Variants in GRIA4 observed in about 807,000 individuals in gnomAD.
The protein encoded by GRIA4 is glutamate receptor 4.
In GRIA4, 34 loss-of-function variants were observed where a neutral mutation model predicts 104.0. The ratio of observed to expected loss-of-function variants is 0.33; its 90% CI spans 0.25 to 0.44. The LOEUF (loss-of-function observed/expected upper bound fraction) is 0.44. Ranked by LOEUF, GRIA4 falls within the 20% of genes least tolerant of loss-of-function variation. The pLI is 1.00. For synonymous variants in GRIA4, 386 were observed against 381.9 expected (o/e 1.01, Z -0.13); for missense variants, 750 against 1,096.5 (o/e 0.68, Z 4.46).
intron 6 of GRIA4, among the ~76,000 whole-genome samples, chr11:105,898,028 T>C (rs1401984999): frequency 4.6e-5 from 7 of 152,168 alleles, no homozygotes; most frequent in African/African-American, 1.7e-4. Flanking sequence ...CAAGAAATAC[T>C]TGATTTGAAC....
intron 4 of GRIA4, chr11:105,797,723 T>C (rs1353866471): frequency 4.9e-6 from 2 of 408,700 alleles, no homozygotes; most frequent in Non-Finnish European, 9.9e-6. Flanking sequence ...TTCTCTTTTG[T>C]AGGACTTGTA....
intron 14 of GRIA4, among the ~76,000 whole-genome samples, chr11:105,936,247 C>T (rs1168721296): frequency 1.3e-5 from 2 of 152,182 alleles, no homozygotes; most frequent in Non-Finnish European, 2.9e-5. Context: ...TAATAGTCAC[C>T]TTCTGTATAA....
intron 3 of GRIA4, among the ~76,000 whole-genome samples, chr11:105,657,173 A>C (rs1951869691): frequency 6.6e-6 from 1 of 152,046 alleles, no homozygotes. Flanking sequence ...AGTTAACTCC[A>C]AATGAACAAG....
intron 3 of GRIA4, among the ~76,000 whole-genome samples, chr11:105,705,145 C>T (rs1409548405): frequency 6.6e-6 from 1 of 152,028 alleles, no homozygotes; most frequent in Non-Finnish European, 1.5e-5. Context: ...ACAGGTAACA[C>T]ATTTGGGGCA....
chr11:105,737,107 A>G (rs1238602815), intron 3 of GRIA4, among the ~76,000 whole-genome samples: 2 of 152,150 alleles, frequency 1.3e-5, no homozygotes, highest in Non-Finnish European at 2.9e-5. Context: ...ATCAGAATTT[A>G]TTTAACTTTG....
chr11:105,732,409 G>T (rs965707713), intron 3 of GRIA4, among the ~76,000 whole-genome samples: 1 of 152,108 alleles, frequency 6.6e-6, no homozygotes, highest in Non-Finnish European at 1.5e-5. Context: ...ATTAGCAGCC[G>T]TGTGTTTCTG....
At chr11:105,899,275 C>T (rs1946771289) in intron 7 of GRIA4, among the ~76,000 whole-genome samples, 2 of 152,166 alleles carry the variant, frequency 1.3e-5, no homozygotes, top group South Asian at 4.1e-4. Flanking sequence ...TCTTCACTGC[C>T]TTATAAAATC....
At chr11:105,616,933 T>C (rs1029023502) in intron 3 of GRIA4, among the ~76,000 whole-genome samples, 3 of 151,584 alleles carry the variant, frequency 2.0e-5, no homozygotes, top group Non-Finnish European at 4.4e-5. Context: ...CATATTCTTA[T>C]AGTTTTTCTC....
chr11:105,669,411 G>A (rs2135433032), intron 3 of GRIA4, among the ~76,000 whole-genome samples: 1 of 151,580 alleles, frequency 6.6e-6, no homozygotes, highest in Non-Finnish European at 1.5e-5. Flanking sequence ...ATATCTTTTT[G>A]TTTAAAATAA....
intron 4 of GRIA4, among the ~76,000 whole-genome samples, chr11:105,759,003 C>T (rs182954464): frequency 1.2e-4 from 18 of 150,180 alleles, no homozygotes; most frequent in African/African-American, 3.9e-4. Context: ...CCACTTATTA[C>T]GTGGTTGACC....
chr11:105,638,640 C>A (rs1223404202), intron 3 of GRIA4, among the ~76,000 whole-genome samples: 2 of 151,936 alleles, frequency 1.3e-5, no homozygotes, highest in Non-Finnish European at 2.9e-5. Context: ...GACAATTTAG[C>A]ATTTTTTATT....
At chr11:105,751,080 A>G (rs2135688343) in intron 3 of GRIA4, among the ~76,000 whole-genome samples, 1 of 152,316 alleles carries the variant, frequency 6.6e-6, no homozygotes, top group South Asian at 2.1e-4. Context: ...TTCTAGAACA[A>G]GTATTAAAAT....
intron 4 of GRIA4, among the ~76,000 whole-genome samples, chr11:105,776,103 T>G (rs1327568772): frequency 1.3e-5 from 2 of 152,066 alleles, no homozygotes; most frequent in African/African-American, 4.8e-5. Flanking sequence ...TAAAATTATT[T>G]TTCCCATTTC....
intron 3 of GRIA4, among the ~76,000 whole-genome samples, chr11:105,631,306 G>A (rs1951029903): frequency 1.3e-5 from 2 of 152,174 alleles, no homozygotes; most frequent in South Asian, 2.1e-4. Flanking sequence ...CTCTTTTCAT[G>A]AGCCAGAGGA....
At chr11:105,962,766 A>G (rs1046535771) in intron 14 of GRIA4, among the ~76,000 whole-genome samples, 1 of 152,178 alleles carries the variant, frequency 6.6e-6, no homozygotes, top group Non-Finnish European at 1.5e-5. Context: ...TGGTTTAAAC[A>G]TCTAGAAAAA....
chr11:105,799,143 A>C (rs1015881655), intron 4 of GRIA4, among the ~76,000 whole-genome samples: 1 of 152,136 alleles, frequency 6.6e-6, no homozygotes, highest in Non-Finnish European at 1.5e-5. Flanking sequence ...CTAGCAAGGT[A>C]GAAGGAGAAC....
chr11:105,661,531 A>C (rs1340248955), intron 3 of GRIA4, among the ~76,000 whole-genome samples: 1 of 151,760 alleles, frequency 6.6e-6, no homozygotes, highest in Non-Finnish European at 1.5e-5. Flanking sequence ...GAAATCAAGA[A>C]ATGCATTTTG....
At chr11:105,845,007 T>G (rs975267775) in intron 4 of GRIA4, among the ~76,000 whole-genome samples, 1 of 152,250 alleles carries the variant, frequency 6.6e-6, no homozygotes, top group Non-Finnish European at 1.5e-5. Context: ...GTTCTGGTAA[T>G]CTATTGCTGT....
At chr11:105,742,605 T>C (rs995761278) in intron 3 of GRIA4, among the ~76,000 whole-genome samples, 1 of 44,768 alleles carries the variant, frequency 2.2e-5, no homozygotes. Context: ...TATATATATA[T>C]GTGTGTGTGT....
Sources: allele counts gnomAD v4.1 joint callset (sites outside exome capture counted in the v4.1 genomes callset), GRCh38; gene constraint gnomAD v4.1.1; transcripts MANE v1.5; gene names NCBI Gene and HGNC (gene_info 2026-07-23, HGNC 2026-07-21).